The following NR3C2 variants were observed in gnomAD, a reference collection of about 807,000 sequenced individuals.
NR3C2 encodes the protein mineralocorticoid receptor.
Under a neutral mutation model 86.4 loss-of-function variants are expected in NR3C2, and 15 were observed. The ratio of observed to expected loss-of-function variants is 0.17; its 90% CI spans 0.12 to 0.27. The LOEUF is 0.27. Among genes scored for constraint, NR3C2 ranks in the 10% least tolerant of loss-of-function variants. The pLI, the probability that NR3C2 is intolerant of heterozygous loss-of-function variation, is 1.00. For synonymous variants in NR3C2, 458 were observed against 450.5 expected (o/e 1.02, Z -0.21); for missense variants, 960 against 1,195.6 (o/e 0.80, Z 2.91).
chr4:148,187,808 A>G (rs1736000761), intron 4 of NR3C2, among the ~76,000 whole-genome samples: 1 of 152,146 alleles, frequency 6.6e-6, no homozygotes, highest in South Asian at 2.1e-4. Flanking sequence ...CAATGTCTAG[A>G]AGGGTTTTTT....
chr4:148,380,570 T>C (rs1296614286), intron 2 of NR3C2, among the ~76,000 whole-genome samples: 1 of 152,222 alleles, frequency 6.6e-6, no homozygotes, highest in Non-Finnish European at 1.5e-5. Context: ...CAGCAATGCA[T>C]GAACATTCTA....
intron 2 of NR3C2, among the ~76,000 whole-genome samples, chr4:148,333,120 A>T (rs1744309639): frequency 6.6e-6 from 1 of 151,932 alleles, no homozygotes; most frequent in Non-Finnish European, 1.5e-5. Flanking sequence ...AGAAAAAAAA[A>T]ATTAGCCAGG....
chr4:148,427,235 T>C (rs780850376), intron 2 of NR3C2, among the ~76,000 whole-genome samples: 42 of 152,246 alleles, frequency 2.8e-4, no homozygotes, highest in Admixed American at 2.0e-4. Context: ...GATTACACTG[T>C]GCCTGGCTGA....
intron 2 of NR3C2, among the ~76,000 whole-genome samples, chr4:148,340,578 A>G (rs1456145968): frequency 4.6e-5 from 7 of 152,164 alleles, no homozygotes; most frequent in African/African-American, 1.7e-4. Context: ...GGCCTAGACA[A>G]AGATTTGTTG....
chr4:148,226,782 T>C (rs902197889), intron 3 of NR3C2, among the ~76,000 whole-genome samples: 2 of 152,208 alleles, frequency 1.3e-5, no homozygotes, highest in African/African-American at 4.8e-5. Context: ...TCTGGAGGTA[T>C]AAAATAGCAT....
chr4:148,428,884 C>T (rs1749673538), intron 2 of NR3C2, among the ~76,000 whole-genome samples: 1 of 152,140 alleles, frequency 6.6e-6, no homozygotes, highest in African/African-American at 2.4e-5. Flanking sequence ...TGTCCTGCTC[C>T]AATATTTCCA....
At chr4:148,091,790 C>T (rs982869675) in intron 8 of NR3C2, among the ~76,000 whole-genome samples, 3 of 152,158 alleles carry the variant, frequency 2.0e-5, no homozygotes, top group East Asian at 1.9e-4. Context: ...AGACACTGTC[C>T]CCAGTACAGA....
At chr4:148,151,247 A>G (rs1175509061) in intron 6 of NR3C2, among the ~76,000 whole-genome samples, 1 of 133,552 alleles carries the variant, frequency 7.5e-6, no homozygotes, top group African/African-American at 2.9e-5. Context: ...GCATTAATAG[A>G]GATTCTTATT....
At chr4:148,390,413 G>C (rs1433909875) in intron 2 of NR3C2, among the ~76,000 whole-genome samples, 2 of 152,066 alleles carry the variant, frequency 1.3e-5, no homozygotes, top group Non-Finnish European at 2.9e-5. Flanking sequence ...TTTAGGGTTA[G>C]GTAAGAAGTG....
intron 2 of NR3C2, among the ~76,000 whole-genome samples, chr4:148,387,243 C>G (rs532342933): frequency 2.6e-5 from 4 of 152,168 alleles, no homozygotes; most frequent in Non-Finnish European, 5.9e-5. Flanking sequence ...GGTGCAGCAG[C>G]CAGTTTGCCA....
At chr4:148,359,804 A>G (rs1403083921) in intron 2 of NR3C2, among the ~76,000 whole-genome samples, 1 of 152,206 alleles carries the variant, frequency 6.6e-6, no homozygotes, top group Non-Finnish European at 1.5e-5. Context: ...CTCCAAGCTG[A>G]TAATTTATAA....
At chr4:148,311,853 G>T (rs983508030) in intron 2 of NR3C2, among the ~76,000 whole-genome samples, 1 of 152,208 alleles carries the variant, frequency 6.6e-6, no homozygotes, top group Non-Finnish European at 1.5e-5. Context: ...TAGGACATTT[G>T]CATCTGCTAT....
intron 4 of NR3C2, among the ~76,000 whole-genome samples, chr4:148,161,370 G>C (rs1412077614): frequency 6.7e-6 from 1 of 149,272 alleles, no homozygotes; most frequent in Non-Finnish European, 1.5e-5. Context: ...TTTTTTTTGA[G>C]ATGGAGTCTC....
chr4:148,251,735 A>G (rs1296984878), intron 3 of NR3C2, among the ~76,000 whole-genome samples: 1 of 152,180 alleles, frequency 6.6e-6, no homozygotes, highest in African/African-American at 2.4e-5. Flanking sequence ...TTTTTTTTAT[A>G]TATGAAGTTC....
intron 3 of NR3C2, among the ~76,000 whole-genome samples, chr4:148,221,893 T>TAAAA (rs11378484): frequency 8.2e-6 from 1 of 122,696 alleles, no homozygotes; most frequent in Non-Finnish European, 1.7e-5. Flanking sequence ...GACTCTGTCT[T>TAAAA]AAAAAAAAAA....
chr4:148,276,499 A>G (rs1740968233), intron 2 of NR3C2, among the ~76,000 whole-genome samples: 1 of 152,186 alleles, frequency 6.6e-6, no homozygotes, highest in Non-Finnish European at 1.5e-5. Flanking sequence ...AAATTAAACT[A>G]ATACTGGTAT....
chr4:148,358,751 G>C (rs895392163), intron 2 of NR3C2, among the ~76,000 whole-genome samples: 8 of 152,020 alleles, frequency 5.3e-5, no homozygotes, highest in African/African-American at 1.9e-4. Flanking sequence ...AGAAAAAAAG[G>C]CTTGCATTTT....
intron 2 of NR3C2, among the ~76,000 whole-genome samples, chr4:148,366,660 C>G (rs889806707): frequency 3.3e-5 from 5 of 151,892 alleles, no homozygotes; most frequent in African/African-American, 9.7e-5. Flanking sequence ...GCATACGAAG[C>G]AAAAATAAGA....
At chr4:148,255,471 G>A (rs1229134797) in intron 3 of NR3C2, among the ~76,000 whole-genome samples, 1 of 152,144 alleles carries the variant, frequency 6.6e-6, no homozygotes, top group East Asian at 1.9e-4. Context: ...TCAAGATATA[G>A]ACCTAAGTCT....
Sources: gnomAD v4.1 joint callset for allele counts (sites outside exome capture counted in the v4.1 genomes callset) on GRCh38, gnomAD v4.1.1 for gene constraint, MANE v1.5 for transcripts, NCBI Gene and HGNC (gene_info 2026-07-23, HGNC 2026-07-21) for gene names.